The following NSUN6 variants were observed in gnomAD, a reference collection of about 807,000 sequenced individuals.
The protein encoded by NSUN6 is tRNA (cytosine(72)-C(5))-methyltransferase NSUN6.
Under a neutral mutation model 58.0 loss-of-function variants are expected in NSUN6, and 64 were observed. That is an observed-to-expected ratio of 1.10 (90% CI 0.90 to 1.36). The LOEUF is 1.36. Ranked by LOEUF, NSUN6 falls within the 40% of genes most tolerant of loss-of-function variation. The probability of loss-of-function intolerance (pLI) is 0.00; values close to 1 mark genes in which losing one functional copy is unlikely to be tolerated. For missense variants in NSUN6, 701 were observed against 550.1 expected (o/e 1.27, Z -2.74); for synonymous variants, 231 against 193.9 (o/e 1.19, Z -1.59).
At chr10:18,554,384 G>A (rs2054829858) in intron 8 of NSUN6, among the ~76,000 whole-genome samples, 1 of 151,352 alleles carries the variant, frequency 6.6e-6, no homozygotes, top group African/African-American at 2.4e-5. Flanking sequence ...GAATGGAGTG[G>A]AGAATGGAAT....
intron 3 of NSUN6, among the ~76,000 whole-genome samples, chr10:18,620,415 T>A (rs950501593): frequency 6.6e-6 from 1 of 152,054 alleles, no homozygotes; most frequent in African/African-American, 2.4e-5. Context: ...CTTAAGTCTA[T>A]GAAAAAAAAA....
chr10:18,597,753 C>T (rs771572457), intron 6 of NSUN6, among the ~76,000 whole-genome samples: 3 of 151,866 alleles, frequency 2.0e-5, no homozygotes, highest in Non-Finnish European at 4.4e-5. Flanking sequence ...GCAATAAGAG[C>T]GAAACTCCAT....
chr10:18,615,645 A>AC (rs2058383589), intron 4 of NSUN6, among the ~76,000 whole-genome samples: 1 of 152,222 alleles, frequency 6.6e-6, no homozygotes, highest in African/African-American at 2.4e-5. Flanking sequence ...TTTCAAGGAC[A>AC]CCATAACTGA....
At chr10:18,635,697 G>T (rs900680505) in intron 3 of NSUN6, among the ~76,000 whole-genome samples, 1 of 151,694 alleles carries the variant, frequency 6.6e-6, no homozygotes, top group African/African-American at 2.4e-5. Context: ...AATTAGCCAG[G>T]TATGGTGGTG....
intron 7 of NSUN6, among the ~76,000 whole-genome samples, chr10:18,591,812 C>G (rs1196909010): frequency 6.6e-6 from 1 of 152,090 alleles, no homozygotes; most frequent in Non-Finnish European, 1.5e-5. Context: ...TGGCATGAGA[C>G]AAGGATGCCC....
At chr10:18,610,673 G>A (rs941786805) in intron 5 of NSUN6, among the ~76,000 whole-genome samples, 2 of 152,158 alleles carry the variant, frequency 1.3e-5, no homozygotes, top group African/African-American at 4.8e-5. Context: ...CCAGGACTCA[G>A]ATGGCCTGGT....
chr10:18,626,981 T>A, intron 3 of NSUN6, among the ~76,000 whole-genome samples: 1 of 152,186 alleles, frequency 6.6e-6, no homozygotes, highest in East Asian at 1.9e-4. Flanking sequence ...TCCTTAAAAT[T>A]ACAAATTGAT....
intron 8 of NSUN6, among the ~76,000 whole-genome samples, chr10:18,584,024 G>C (rs369154440): frequency 6.6e-6 from 1 of 152,096 alleles, no homozygotes; most frequent in African/African-American, 2.4e-5. Context: ...CTCCAAGACA[G>C]ATCTCTCCTA....
chr10:18,549,393 T>A (rs1228337168), intron 9 of NSUN6, among the ~76,000 whole-genome samples: 3 of 152,164 alleles, frequency 2.0e-5, no homozygotes, highest in Non-Finnish European at 2.9e-5. Flanking sequence ...TTACTCCTTA[T>A]CTTTGCATGT....
Position 18,605,044 on chromosome 10 carries a change from C to T in NSUN6, c.657+4801G>A, listed in dbSNP as rs551369664. ...GGGACTATAGGCGTCCGCCACCACG[C>T]CCAGCTAATTTTTTGTATTTTTAGT... On this transcript the variant is annotated intron_variant, in intron 6 of 10. Transcript: ENST00000377304. Among the ~76,000 whole-genome samples the T allele has an allele frequency of 1.5e-4, 22 of 151,598 alleles. No individual in the cohort carries two copies. In the East Asian group the frequency reaches 4.4e-3, roughly 30 times the overall value.
chr10:18,620,236 C>T (rs1483062890), intron 3 of NSUN6, among the ~76,000 whole-genome samples: 6 of 152,112 alleles, frequency 3.9e-5, no homozygotes, highest in South Asian at 2.1e-4. Flanking sequence ...TACAGGCACC[C>T]GCCACCATAC....
intron 10 of NSUN6, among the ~76,000 whole-genome samples, chr10:18,546,569 GA>G (rs2054276507): frequency 6.6e-6 from 1 of 152,094 alleles, no homozygotes; most frequent in African/African-American, 2.4e-5. Context: ...TCAGTAAATG[GA>G]ACATTATTAT....
intron 8 of NSUN6, among the ~76,000 whole-genome samples, chr10:18,584,819 A>G (rs2057054978): frequency 6.6e-6 from 1 of 152,102 alleles, no homozygotes; most frequent in South Asian, 2.1e-4. Context: ...GGGAACTATA[A>G]AAGATTAGCA....
intron 8 of NSUN6, among the ~76,000 whole-genome samples, chr10:18,571,399 T>A (rs541111925): frequency 6.6e-6 from 1 of 151,490 alleles, no homozygotes; most frequent in African/African-American, 2.4e-5. Context: ...CCATTCTACA[T>A]TCCATTCCAT....
intron 8 of NSUN6, among the ~76,000 whole-genome samples, chr10:18,570,654 A>G (rs2056299371): frequency 7.3e-6 from 1 of 137,706 alleles, no homozygotes; most frequent in Non-Finnish European, 1.5e-5. Context: ...ACCATCATCC[A>G]TTCCATTCCA....
At position 18,546,117 on chromosome 10, in the gene NSUN6, C is replaced by T. The variant is rs183378519; in HGVS notation, c.1226G>A (p.Arg409Lys). The T allele has an allele frequency of 6.2e-7, 1 of 1,613,504 alleles. No individual in the cohort carries two copies. The highest frequency in any genetic ancestry group is 1.7e-5 in the Admixed American group (1 of 59,990). ...QEPQIGGEGM[R>K]GAGLSCEQLK... ...CTGTTCACATGAGAGCCCAGCTCCC[C>T]TCATTCCTTCTCCTCCAATCTGCGG... Residue 409 changes from arginine (R) to lysine (K), a missense_variant, in exon 11 of 11, where the codon AGG becomes AAG. Transcript: ENST00000377304.
chr10:18,649,829 C>T (rs2059652896), intron 1 of NSUN6, among the ~76,000 whole-genome samples: 1 of 152,134 alleles, frequency 6.6e-6, no homozygotes, highest in African/African-American at 2.4e-5. Context: ...TATGCCCCTA[C>T]TTCTCCTAAT....
At chr10:18,599,580 G>A (rs1480668952) in intron 6 of NSUN6, among the ~76,000 whole-genome samples, 1 of 152,214 alleles carries the variant, frequency 6.6e-6, no homozygotes, top group Middle Eastern at 3.4e-3. Flanking sequence ...TGGGCATGGA[G>A]CCATGCGCCA....
chr10:18,576,318 C>T (rs1197542838), intron 8 of NSUN6, among the ~76,000 whole-genome samples: 1 of 152,048 alleles, frequency 6.6e-6, no homozygotes, highest in African/African-American at 2.4e-5. Flanking sequence ...GTACCTCTGT[C>T]CCTCCTGGCT....
Sources: allele counts gnomAD v4.1 joint callset (sites outside exome capture counted in the v4.1 genomes callset), GRCh38; gene constraint gnomAD v4.1.1; transcripts MANE v1.5; gene names NCBI Gene and HGNC (gene_info 2026-07-23, HGNC 2026-07-21).